The following KIAA1328 variants were observed in gnomAD, a reference collection of about 807,000 sequenced individuals.
The protein encoded by KIAA1328 is protein hinderin.
KIAA1328 carries 52 observed loss-of-function variants against 68.1 expected under a neutral mutation model. The ratio of observed to expected loss-of-function variants is 0.76; its 90% CI spans 0.61 to 0.96. KIAA1328 has a LOEUF of 0.96. KIAA1328 is among the 40% of genes least tolerant of loss of function. The pLI, the probability that KIAA1328 is intolerant of heterozygous loss-of-function variation, is 0.00. For missense variants in KIAA1328, 641 were observed against 677.6 expected (o/e 0.95, Z 0.60); for synonymous variants, 232 against 239.4 (o/e 0.97, Z 0.28).
intron 5 of KIAA1328, among the ~76,000 whole-genome samples, chr18:36,921,788 A>G (rs1279735772): frequency 6.6e-6 from 1 of 152,170 alleles, no homozygotes; most frequent in Non-Finnish European, 1.5e-5. Context: ...AGAATCTTCC[A>G]AGATTCATAT....
intron 7 of KIAA1328, among the ~76,000 whole-genome samples, chr18:37,129,204 T>A (rs1294715231): frequency 6.6e-6 from 1 of 152,186 alleles, no homozygotes; most frequent in East Asian, 1.9e-4. Context: ...TGAATCTGCT[T>A]ATTGACCTCA....
At chr18:37,219,155 C>T (rs1568548429) in intron 9 of KIAA1328, among the ~76,000 whole-genome samples, 1 of 152,142 alleles carries the variant, frequency 6.6e-6, no homozygotes. Flanking sequence ...GCTGCAGAAC[C>T]GCAAATATTG....
chr18:37,134,916 C>T (rs985482057), intron 7 of KIAA1328, among the ~76,000 whole-genome samples: 3 of 152,078 alleles, frequency 2.0e-5, no homozygotes, highest in East Asian at 1.9e-4. Context: ...GACTACCCAA[C>T]GTTTAGTTCC....
At chr18:36,981,331 T>G (rs561672594) in intron 6 of KIAA1328, among the ~76,000 whole-genome samples, 2 of 114,288 alleles carry the variant, frequency 1.7e-5, no homozygotes, top group African/African-American at 2.6e-5. Context: ...AACTAAACTG[T>G]CACAGAATAA....
At chr18:37,220,560 T>G (rs1378874125) in intron 9 of KIAA1328, among the ~76,000 whole-genome samples, 1 of 152,250 alleles carries the variant, frequency 6.6e-6, no homozygotes, top group African/African-American at 2.4e-5. Context: ...ATCTCTGATA[T>G]GCTTCATTGT....
intron 6 of KIAA1328, chr18:37,063,728 T>A (rs893581648): frequency 2.3e-5 from 22 of 937,452 alleles, no homozygotes; most frequent in Admixed American, 1.2e-4. Flanking sequence ...CTGAAAAAAA[T>A]TTTTTAATTT....
At chr18:37,225,838 C>G (rs950778659), downstream of KIAA1328, among the ~76,000 whole-genome samples, 1 of 152,176 alleles carries the variant, frequency 6.6e-6, no homozygotes, top group African/African-American at 2.4e-5. Flanking sequence ...GGCACCTGCA[C>G]CTGAATACGG....
chr18:37,044,375 G>T (rs749179088), intron 6 of KIAA1328, among the ~76,000 whole-genome samples: 1 of 151,916 alleles, frequency 6.6e-6, no homozygotes, highest in Admixed American at 6.6e-5. Flanking sequence ...ATAGGAACGT[G>T]GTAAAGGAAA....
At chr18:37,060,116 C>A (rs1216032160) in intron 6 of KIAA1328, among the ~76,000 whole-genome samples, 1 of 151,830 alleles carries the variant, frequency 6.6e-6, no homozygotes, top group Non-Finnish European at 1.5e-5. Flanking sequence ...ATGTAACAAA[C>A]CTGCACATTC....
At chr18:37,126,057 G>T (rs1346397699) in intron 7 of KIAA1328, among the ~76,000 whole-genome samples, 1 of 152,212 alleles carries the variant, frequency 6.6e-6, no homozygotes, top group African/African-American at 2.4e-5. Context: ...ACCACAGATT[G>T]TCTTCATAAG....
chr18:37,036,883 A>C (rs2055047566), intron 6 of KIAA1328, among the ~76,000 whole-genome samples: 3 of 152,334 alleles, frequency 2.0e-5, no homozygotes, highest in East Asian at 1.9e-4. Flanking sequence ...TGCAAATAAC[A>C]AAATAGCTTG....
chr18:36,971,114 T>C (rs893298465), intron 6 of KIAA1328, among the ~76,000 whole-genome samples: 2 of 152,006 alleles, frequency 1.3e-5, no homozygotes, highest in Non-Finnish European at 2.9e-5. Context: ...TATAGACCAA[T>C]GGAACAGAAC....
intron 5 of KIAA1328, among the ~76,000 whole-genome samples, chr18:36,933,972 G>T (rs183779979): frequency 6.6e-6 from 1 of 152,156 alleles, no homozygotes; most frequent in Non-Finnish European, 1.5e-5. Context: ...CAGCTGCCCC[G>T]TGTGTAAAAG....
intron 9 of KIAA1328, among the ~76,000 whole-genome samples, chr18:37,205,953 G>A (rs1420319975): frequency 1.3e-5 from 2 of 152,180 alleles, no homozygotes; most frequent in African/African-American, 2.4e-5. Context: ...ACCATAAATG[G>A]TCTGGCAAAG....
intron 7 of KIAA1328, among the ~76,000 whole-genome samples, chr18:37,085,978 TTCTC>T (rs1402029926): frequency 6.6e-6 from 1 of 152,208 alleles, no homozygotes; most frequent in East Asian, 1.9e-4. Context: ...TATAATTATT[TTCTC>T]TGGAGTTTAA....
chr18:36,922,471 A>T (rs2049963121), intron 5 of KIAA1328, among the ~76,000 whole-genome samples: 1 of 152,142 alleles, frequency 6.6e-6, no homozygotes, highest in Non-Finnish European at 1.5e-5. Context: ...CATCATGGGA[A>T]ATTTTTTGAA....
At chr18:37,175,104 G>A (rs1287819130) in intron 9 of KIAA1328, among the ~76,000 whole-genome samples, 1 of 152,200 alleles carries the variant, frequency 6.6e-6, no homozygotes, top group African/African-American at 2.4e-5. Flanking sequence ...TGCTCAGAGG[G>A]TTTCCATCCT....
Position 37,223,888 on chromosome 18 carries a change from A to G in KIAA1328, c.*1661A>G, listed in dbSNP as rs2060605601. 1.0e-6 allele frequency: 1 copy of G among 982,408 alleles called. No individual in the cohort carries two copies. The highest frequency in any genetic ancestry group is 1.2e-6 in the Non-Finnish European group (1 of 827,178). 60.9% of individuals were successfully genotyped at this position (982,408 alleles called of 1,614,324 possible). On this transcript the variant is annotated 3_prime_UTR_variant, in exon 10 of 10. Coordinates refer to ENST00000280020, the MANE Select transcript of KIAA1328 (RefSeq NM_020776.3). Reference sequence around the variant, plus strand: ...ACTAATATTATATTTTTCTTCTGAAATAAATATAAAGTCAAGACTAACTAG... The same window carrying G: ...ACTAATATTATATTTTTCTTCTGAAGTAAATATAAAGTCAAGACTAACTAG...
intron 9 of KIAA1328, among the ~76,000 whole-genome samples, chr18:37,192,396 T>C (rs1350749083): frequency 6.6e-6 from 1 of 152,228 alleles, no homozygotes; most frequent in Admixed American, 6.5e-5. Context: ...TGGAATGTGC[T>C]TTCAATAATG....
Sources: allele counts gnomAD v4.1 joint callset (sites outside exome capture counted in the v4.1 genomes callset), GRCh38; gene constraint gnomAD v4.1.1; transcripts MANE v1.5; gene names NCBI Gene and HGNC (gene_info 2026-07-23, HGNC 2026-07-21).